The following UBE4B variants were observed in gnomAD, a reference collection of about 807,000 sequenced individuals.
UBE4B encodes ubiquitin conjugation factor E4 B.
A neutral mutation model predicts 148.1 loss-of-function variants in UBE4B; 27 were observed. The ratio of observed to expected loss-of-function variants is 0.18; its 90% CI spans 0.13 to 0.25. The LOEUF (loss-of-function observed/expected upper bound fraction) is 0.25, where lower values mean the gene tolerates loss of function less well. Ranked by LOEUF, UBE4B falls within the 10% of genes least tolerant of loss-of-function variation. The pLI, the probability that UBE4B is intolerant of heterozygous loss-of-function variation, is 1.00. For synonymous variants in UBE4B, 596 were observed against 619.3 expected (o/e 0.96, Z 0.56); for missense variants, 1,170 against 1,662.4 (o/e 0.70, Z 5.15).
At chr1:10,129,091 A>C (rs1482714607) in intron 11 of UBE4B, 1 of 324,108 alleles carries the variant, frequency 3.1e-6, no homozygotes, top group Admixed American at 4.0e-5. Context: ...TAGATACAGT[A>C]CACAAAAATA....
intron 1 of UBE4B, among the ~76,000 whole-genome samples, chr1:10,034,883 C>T (rs915136663): frequency 1.3e-5 from 2 of 152,164 alleles, no homozygotes; most frequent in Non-Finnish European, 2.9e-5. Flanking sequence ...TTCGGCGTTA[C>T]TTTGTTTTTT....
At chr1:10,150,327 C>T (rs963907348) in intron 20 of UBE4B, among the ~76,000 whole-genome samples, 2 of 152,104 alleles carry the variant, frequency 1.3e-5, no homozygotes, top group Non-Finnish European at 2.9e-5. Flanking sequence ...ATTTAAGCAA[C>T]TCAAGTCACA....
At chr1:10,163,703 G>T (rs566244253) in intron 23 of UBE4B, among the ~76,000 whole-genome samples, 1 of 151,668 alleles carries the variant, frequency 6.6e-6, no homozygotes, top group Non-Finnish European at 1.5e-5. Flanking sequence ...AGAGAGTCTT[G>T]CTAGTTTTCC....
intron 7 of UBE4B, among the ~76,000 whole-genome samples, chr1:10,110,465 C>T (rs1284308368): frequency 6.6e-6 from 1 of 151,902 alleles, no homozygotes; most frequent in Non-Finnish European, 1.5e-5. Flanking sequence ...TACAGCAAAC[C>T]TCCTGTAACA....
chr1:10,146,629 CT>C (rs969302919), intron 18 of UBE4B, among the ~76,000 whole-genome samples: 4 of 152,116 alleles, frequency 2.6e-5, no homozygotes, highest in African/African-American at 9.7e-5. Context: ...GATTGTTTGG[CT>C]TTTTCCCACT....
chr1:10,137,491 CA>C, intron 17 of UBE4B, among the ~76,000 whole-genome samples: 1 of 152,240 alleles, frequency 6.6e-6, no homozygotes, highest in African/African-American at 2.4e-5. Flanking sequence ...CATACATTAC[CA>C]GGAGGCACTT....
At chr1:10,061,865 C>T (rs527797721) in intron 1 of UBE4B, among the ~76,000 whole-genome samples, 2 of 151,348 alleles carry the variant, frequency 1.3e-5, no homozygotes, top group Non-Finnish European at 2.9e-5. Context: ...TGTTGCTATA[C>T]GTGTGTAGTG....
At chr1:10,175,287 G>A (rs141110713) in intron 25 of UBE4B, among the ~76,000 whole-genome samples, 107 of 152,128 alleles carry the variant, frequency 7.0e-4, no homozygotes, top group African/African-American at 2.3e-3. Flanking sequence ...CATATCTGTC[G>A]TCCATGAAGC....
At chr1:10,160,864 G>A (rs1366560923) in intron 22 of UBE4B, among the ~76,000 whole-genome samples, 3 of 152,064 alleles carry the variant, frequency 2.0e-5, no homozygotes, top group African/African-American at 4.8e-5. Context: ...GATTGCTTGA[G>A]CCCTGGAGGT....
At chr1:10,135,229 C>T in intron 16 of UBE4B, 43 bp downstream of exon 16, 2 of 1,554,720 alleles carry the variant, frequency 1.3e-6, no homozygotes, top group Non-Finnish European at 8.8e-7. Context: ...ACACTGCCCT[C>T]TTGTCTGTGT....
Position 10,033,496 on chromosome 1 carries a change from C to T in UBE4B, c.-175C>T. 1 of 612,956 alleles carries T rather than the reference C, an allele frequency of 1.6e-6. No homozygotes were observed. Among genetic ancestry groups the T allele is most frequent in the East Asian group, 3.4e-5 (1 of 29,058 alleles). 38.0% of individuals were successfully genotyped at this position (612,956 alleles called of 1,614,324 possible). On this transcript the variant is annotated 5_prime_UTR_variant, in exon 1 of 28. Coordinates refer to ENST00000343090, the MANE Select transcript of UBE4B (RefSeq NM_001105562.3). The stretch of plus-strand genomic sequence containing the variant: ...GCGACTGGAGTGACCGAAGCCAAGG[C>T]AGTTTAGTGCCTCTCGTGTTCTTAT...
chr1:10,087,315 CT>C (rs1391461093), intron 2 of UBE4B, among the ~76,000 whole-genome samples: 2 of 152,088 alleles, frequency 1.3e-5, no homozygotes, highest in African/African-American at 4.8e-5. Flanking sequence ...TTATTTTGGA[CT>C]AACTTTCAAT....
intron 25 of UBE4B, among the ~76,000 whole-genome samples, chr1:10,175,467 C>G (rs188532332): frequency 2.0e-5 from 3 of 149,812 alleles, no homozygotes; most frequent in East Asian, 2.0e-4. Context: ...CTGGCTAACA[C>G]GGTGAAACCC....
intron 9 of UBE4B, among the ~76,000 whole-genome samples, chr1:10,120,755 T>C (rs1645396964): frequency 1.3e-5 from 2 of 151,994 alleles, no homozygotes; most frequent in South Asian, 2.1e-4. Flanking sequence ...CGAGAATTGC[T>C]TGAACCCGGG....
chr1:10,045,779 A>T (rs1266521185), intron 1 of UBE4B, among the ~76,000 whole-genome samples: 1 of 152,076 alleles, frequency 6.6e-6, no homozygotes, highest in East Asian at 1.9e-4. Flanking sequence ...AGGGTCAAAC[A>T]CTAGATGGTC....
chr1:10,090,903 A>G (rs1431751872), intron 2 of UBE4B, among the ~76,000 whole-genome samples: 1 of 152,082 alleles, frequency 6.6e-6, no homozygotes, highest in Non-Finnish European at 1.5e-5. Context: ...GAAAGGGAAC[A>G]TCATTCAGGA....
At position 10,126,805 on chromosome 1, in the gene UBE4B, C is replaced by G. The variant is rs1415732669; in HGVS notation, c.1566C>G (p.Pro522=). 6.2e-7 allele frequency: 1 copy of G among 1,613,698 alleles called. No homozygotes were observed. ...DEEVFKQIFI[P]ILQGLALAAK... ...TTTTTTTCTTATAGATATTTATCCC[C>G]ATTTTACAAGGCCTGGCTCTTGCTG... Residue 522 remains proline, a synonymous_variant, in exon 11 of 28, where the codon CCC becomes CCG. Transcript: ENST00000343090.
intron 1 of UBE4B, among the ~76,000 whole-genome samples, chr1:10,053,211 C>T (rs563528391): frequency 6.6e-6 from 1 of 151,810 alleles, no homozygotes; most frequent in African/African-American, 2.4e-5. Flanking sequence ...TGCAGTGGCG[C>T]GATCTCGGCT....
chr1:10,079,542 T>C (rs1644642078), intron 2 of UBE4B, among the ~76,000 whole-genome samples: 1 of 152,250 alleles, frequency 6.6e-6, no homozygotes, highest in African/African-American at 2.4e-5. Flanking sequence ...TTTTTAAAGA[T>C]TGTAATACAG....
Sources: allele counts gnomAD v4.1 joint callset (sites outside exome capture counted in the v4.1 genomes callset), GRCh38; gene constraint gnomAD v4.1.1; transcripts MANE v1.5; gene names NCBI Gene and HGNC (gene_info 2026-07-23, HGNC 2026-07-21).